Variants in FARS2 observed in about 807,000 individuals in gnomAD.
FARS2 encodes the protein phenylalanyl-tRNA synthetase 2, mitochondrial, also known as phenylalanine--tRNA ligase, mitochondrial.
A neutral mutation model predicts 46.4 loss-of-function variants in FARS2; 40 were observed. The ratio of observed to expected loss-of-function variants is 0.86; its 90% confidence interval spans 0.67 to 1.12. The LOEUF is 1.12. FARS2 is among the 50% of genes most tolerant of loss of function. The pLI, the probability that FARS2 is intolerant of heterozygous loss-of-function variation, is 0.00. For synonymous variants in FARS2, 234 were observed against 214.9 expected, an observed-to-expected ratio of 1.09 and a Z score of -0.78; for missense variants, 513 against 567.9, an observed-to-expected ratio of 0.90 and a Z score of 0.98.
At chr6:5,477,429 G>A (rs549082042) in intron 4 of FARS2, among the ~76,000 whole-genome samples, 29 of 152,276 alleles carry the variant, frequency 1.9e-4, no homozygotes, top group African/African-American at 6.3e-4. Context: ...GAACAGGGTT[G>A]ATTAATGCCA....
chr6:5,461,618 T>G (rs1020506571), intron 4 of FARS2, among the ~76,000 whole-genome samples: 2 of 152,146 alleles, frequency 1.3e-5, no homozygotes, highest in Non-Finnish European at 2.9e-5. Context: ...AGGAGTGCAG[T>G]GGTGCGATCC....
intron 4 of FARS2, among the ~76,000 whole-genome samples, chr6:5,521,314 T>C (rs1769120587): frequency 6.6e-6 from 1 of 151,868 alleles, no homozygotes; most frequent in South Asian, 2.1e-4. Flanking sequence ...CAGTTGGCAG[T>C]TGACACTCAA....
intron 5 of FARS2, among the ~76,000 whole-genome samples, chr6:5,585,099 A>T (rs1773544632): frequency 6.6e-6 from 1 of 152,182 alleles, no homozygotes; most frequent in Non-Finnish European, 1.5e-5. Context: ...AAGCAGAATT[A>T]TGTGGGGAAA....
intron 3 of FARS2, among the ~76,000 whole-genome samples, chr6:5,418,800 C>T (rs1047483826): frequency 2.6e-5 from 4 of 152,208 alleles, no homozygotes; most frequent in Admixed American, 6.5e-5. Flanking sequence ...TAGGTCTCAC[C>T]CCTCTGGGGG....
intron 4 of FARS2, among the ~76,000 whole-genome samples, chr6:5,520,630 T>C (rs190459057): frequency 6.6e-6 from 1 of 152,324 alleles, no homozygotes; most frequent in East Asian, 1.9e-4. Flanking sequence ...GGAAGTCTTG[T>C]TTGACTACCT....
intron 5 of FARS2, among the ~76,000 whole-genome samples, chr6:5,608,078 C>T (rs763753651): frequency 1.3e-4 from 19 of 150,734 alleles, no homozygotes; most frequent in Non-Finnish European, 2.5e-4. Flanking sequence ...GCATTGATGT[C>T]GGAAAACGTA....
At position 5,450,473 on chromosome 6, in the gene FARS2, C is replaced by G. The variant is rs544771275; in HGVS notation, c.904+19301C>G. On this transcript the variant is annotated intron_variant, in intron 4 of 6. Coordinates refer to ENST00000274680, the MANE Select transcript of FARS2 (RefSeq NM_006567.5). ...GTCTCCTGCTCCAGCTCCCCCATGC[C>G]GTTGTAGTGTGAAGGTCGCGGTGGC... Among the ~76,000 whole-genome samples, 164 of 151,746 alleles carry G rather than the reference C, an allele frequency of 1.1e-3. 1 individual carries two copies. The highest frequency in any genetic ancestry group is 3.5e-3 in the African/African-American group (144 of 41,372).
chr6:5,771,412 G>A lies in FARS2; in HGVS notation c.1339G>A (p.Val447Met). 6.2e-7 allele frequency: 1 copy of A among 1,614,012 alleles called. No homozygotes were observed. Among genetic ancestry groups the A allele is most frequent in the Non-Finnish European group, 8.5e-7 (1 of 1,179,976 alleles). ...LQEAAVQLLG[V>M]EGRF ...GGAGGCTGCAGTCCAGCTGTTGGGT[G>A]TGGAGGGCAGGTTCTGATGTCACCA... Residue 447 changes from valine (V) to methionine (M), a missense_variant, in exon 7 of 7, where the codon GTG becomes ATG. Coordinates refer to ENST00000274680, the MANE Select transcript of FARS2 (RefSeq NM_006567.5).
intron 6 of FARS2, among the ~76,000 whole-genome samples, chr6:5,693,913 G>A (rs566408811): frequency 2.6e-5 from 4 of 152,322 alleles, no homozygotes; most frequent in Non-Finnish European, 4.4e-5. Context: ...CGCTATCTTT[G>A]TCACCTAGCC....
chr6:5,411,436 A>G (rs1435407032), intron 3 of FARS2, among the ~76,000 whole-genome samples: 1 of 152,154 alleles, frequency 6.6e-6, no homozygotes, highest in African/African-American at 2.4e-5. Flanking sequence ...ATCATATCCA[A>G]TTACATTCTG....
intron 6 of FARS2, among the ~76,000 whole-genome samples, chr6:5,752,853 C>T (rs1472708061): frequency 6.6e-6 from 1 of 151,974 alleles, no homozygotes; most frequent in East Asian, 1.9e-4. Context: ...CTCCTGACAC[C>T]CCACGCCTTG....
At chr6:5,500,803 T>G (rs868677150) in intron 4 of FARS2, among the ~76,000 whole-genome samples, 1 of 150,354 alleles carries the variant, frequency 6.7e-6, no homozygotes, top group Non-Finnish European at 1.5e-5. Context: ...GGTAGAAGAG[T>G]TGAAAGGATA....
intron 1 of FARS2, among the ~76,000 whole-genome samples, chr6:5,273,080 C>T (rs1766076717): frequency 6.6e-6 from 1 of 152,140 alleles, no homozygotes; most frequent in Non-Finnish European, 1.5e-5. Context: ...ACATTGATTC[C>T]ATATTTTGGC....
chr6:5,299,064 G>A (rs548614113), intron 1 of FARS2, among the ~76,000 whole-genome samples: 1 of 152,230 alleles, frequency 6.6e-6, no homozygotes, highest in South Asian at 2.1e-4. Context: ...CTAAAATATA[G>A]ATCTAGTTTA....
At chr6:5,356,496 C>T (rs1757939492) in intron 1 of FARS2, among the ~76,000 whole-genome samples, 1 of 151,998 alleles carries the variant, frequency 6.6e-6, no homozygotes, top group African/African-American at 2.4e-5. Context: ...ATAGATTAGA[C>T]AGATAGACCT....
At chr6:5,306,941 T>TAA (rs146240664) in intron 1 of FARS2, among the ~76,000 whole-genome samples, 1 of 149,422 alleles carries the variant, frequency 6.7e-6, no homozygotes, top group Non-Finnish European at 1.5e-5. Flanking sequence ...TCTGAAAAAC[T>TAA]AAAAAAAAAA....
At chr6:5,544,613 G>T (rs553969387) in intron 4 of FARS2, among the ~76,000 whole-genome samples, 1 of 152,124 alleles carries the variant, frequency 6.6e-6, no homozygotes, top group African/African-American at 2.4e-5. Context: ...TATACCCCTC[G>T]TCTGGGCCTG....
chr6:5,336,836 C>A (rs1230882951), intron 1 of FARS2, among the ~76,000 whole-genome samples: 1 of 152,094 alleles, frequency 6.6e-6, no homozygotes, highest in Non-Finnish European at 1.5e-5. Context: ...TTCACCCTTG[C>A]AAGTTTTTGA....
intron 6 of FARS2, among the ~76,000 whole-genome samples, chr6:5,714,552 A>G (rs1184067878): frequency 6.6e-6 from 1 of 152,120 alleles, no homozygotes; most frequent in Admixed American, 6.6e-5. Flanking sequence ...TTAAGTCACA[A>G]AAAACAGAAC....
Sources: gnomAD v4.1 joint callset for allele counts (sites outside exome capture counted in the v4.1 genomes callset) on GRCh38, gnomAD v4.1.1 for gene constraint, MANE v1.5 for transcripts, NCBI Gene and HGNC (gene_info 2026-07-23, HGNC 2026-07-21) for gene names.